Variants in MAML1 observed in about 807,000 individuals in gnomAD.
The protein encoded by MAML1 is mastermind like transcriptional coactivator 1, also known as mastermind-like protein 1.
In MAML1, 14 loss-of-function variants were observed where a neutral mutation model predicts 77.1. The ratio of observed to expected loss-of-function variants is 0.18; its 90% CI spans 0.12 to 0.28. The LOEUF (loss-of-function observed/expected upper bound fraction) is 0.28. Ranked by LOEUF, MAML1 falls within the 10% of genes least tolerant of loss-of-function variation. MAML1 has a pLI of 1.00. For missense variants in MAML1, 1,217 were observed against 1,327.8 expected, an observed-to-expected ratio of 0.92 and a Z score of 1.30; for synonymous variants, 516 against 551.9, an observed-to-expected ratio of 0.93 and a Z score of 0.91.
Position 179,776,413 on chromosome 5 carries a change from CTT to C in MAML1, c.*1538_*1539del. 1.0e-6 allele frequency: 1 copy of C among 985,840 alleles called. No individual in the cohort carries two copies. The allele number at this position is 985,840 out of a possible 1,614,324, so 61.1% of individuals were successfully genotyped here. On this transcript the variant is annotated 3_prime_UTR_variant, in exon 5 of 5. Transcript: ENST00000292599. Reference sequence around the variant, plus strand: ...GGTAGTTATTTTGCACCAGCAGTGCCTTTCTCACTGGGGGTACTTGGACCCTC... The same window carrying C: ...GGTAGTTATTTTGCACCAGCAGTGCCTCTCACTGGGGGTACTTGGACCCTC...
At chr5:179,737,416 T>C (rs1316808494) in intron 1 of MAML1, among the ~76,000 whole-genome samples, 2 of 152,188 alleles carry the variant, frequency 1.3e-5, no homozygotes, top group Admixed American at 6.5e-5. Context: ...CTTGAGTATG[T>C]ACGATTTTGG....
chr5:179,738,733 G>T (rs1435947254), intron 1 of MAML1, among the ~76,000 whole-genome samples: 1 of 151,694 alleles, frequency 6.6e-6, no homozygotes, highest in Non-Finnish European at 1.5e-5. Context: ...TTACTCTGAA[G>T]TTGCCTCCGT....
rs1263589649 is a variant in MAML1, at chr5:179,776,879, CAG to C, written c.*2003_*2004del. On this transcript the variant is annotated 3_prime_UTR_variant, in exon 5 of 5. Coordinates refer to ENST00000292599, the MANE Select transcript of MAML1 (RefSeq NM_014757.5). ...ATTTATGAACCTGGTTTTCGGGAGT[CAG>C]GGGAGGAGATGACTTTGCTTCTGTG... is the stretch of plus-strand genomic sequence containing the variant. 7.1e-6 allele frequency: 7 copies of C among 985,786 alleles called. No homozygotes were observed. Among genetic ancestry groups the C allele is most frequent in the African/African-American group, 1.7e-5 (1 of 57,242 alleles). The allele number at this position is 985,786 out of a possible 1,614,324, so 61.1% of individuals were successfully genotyped here. A position where few individuals can be genotyped will look rare whatever the true frequency, so the allele number is the denominator to read the frequency against.
intron 1 of MAML1, among the ~76,000 whole-genome samples, chr5:179,756,800 C>G (rs906725582): frequency 5.3e-5 from 8 of 152,012 alleles, no homozygotes; most frequent in Non-Finnish European, 1.0e-4. Flanking sequence ...AGGTATCTCA[C>G]TGGAGAGAGA....
chr5:179,733,829 C>T (rs1394360851), intron 1 of MAML1, among the ~76,000 whole-genome samples: 2 of 152,226 alleles, frequency 1.3e-5, no homozygotes, highest in Non-Finnish European at 2.9e-5. Context: ...GGTCCTTGCC[C>T]TTTACAAGAT....
At chr5:179,773,613 C>A (rs1002927013) in intron 4 of MAML1, 5 of 409,858 alleles carry the variant, frequency 1.2e-5, no homozygotes, top group African/African-American at 2.2e-5. Flanking sequence ...ACCACAGGGT[C>A]CCCACAGAGC....
intron 1 of MAML1, among the ~76,000 whole-genome samples, chr5:179,760,941 CAA>C (rs1779713921): frequency 6.6e-6 from 1 of 151,846 alleles, no homozygotes; most frequent in Non-Finnish European, 1.5e-5. Flanking sequence ...AATACAAAAA[CAA>C]AGTTAGCCGG....
chr5:179,750,626 AATT>A (rs1779469998), intron 1 of MAML1, among the ~76,000 whole-genome samples: 1 of 151,820 alleles, frequency 6.6e-6, no homozygotes, highest in South Asian at 2.1e-4. Context: ...ATGTCCGGCT[AATT>A]ATTGTATTTT....
rs1034618724 is a variant in MAML1, at chr5:179,753,876, T to C, written c.316-11450T>C. 3.3e-5 allele frequency among the ~76,000 whole-genome samples: 5 copies of C among 151,832 alleles called. 1 individual carries two copies. The highest frequency in any genetic ancestry group is 3.3e-4 in the Admixed American group (5 of 15,250). On this transcript the variant is annotated intron_variant, in intron 1 of 4. Transcript: ENST00000292599. ...TAGTAGAGATGGCGTTTCACCATGT[T>C]GGTCAAGCTGGTCTCGAACTCCCGA...
At chr5:179,748,481 C>A (rs1437021899) in intron 1 of MAML1, among the ~76,000 whole-genome samples, 1 of 151,976 alleles carries the variant, frequency 6.6e-6, no homozygotes, top group East Asian at 1.9e-4. Flanking sequence ...ATTTTATAAA[C>A]CACATGCCCT....
intron 1 of MAML1, among the ~76,000 whole-genome samples, chr5:179,761,929 G>A (rs1360502812): frequency 6.6e-6 from 1 of 152,126 alleles, no homozygotes; most frequent in African/African-American, 2.4e-5. Context: ...CAAGGTGCTG[G>A]CTCTAAGGGG....
chr5:179,775,859 T>G lies in MAML1; in HGVS notation c.*982T>G. On this transcript the variant is annotated 3_prime_UTR_variant, in exon 5 of 5. Coordinates refer to ENST00000292599, the MANE Select transcript of MAML1 (RefSeq NM_014757.5). ...GCCCAAATGGAAAACAATTATTTAC[T>G]CCATTGGAGGGAAAGGAAGAGTCTT... 1 of 985,476 alleles carries G rather than the reference T, an allele frequency of 1.0e-6. No individual in the cohort carries two copies. Among genetic ancestry groups the G allele is most frequent in the Non-Finnish European group, 1.2e-6 (1 of 829,920 alleles). 61.0% of individuals were successfully genotyped at this position (985,476 alleles called of 1,614,324 possible). A position where few individuals can be genotyped will look rare whatever the true frequency, so the allele number is the denominator to read the frequency against.
chr5:179,749,931 T>A (rs1779454086), intron 1 of MAML1, among the ~76,000 whole-genome samples: 1 of 152,254 alleles, frequency 6.6e-6, no homozygotes, highest in Non-Finnish European at 1.5e-5. Flanking sequence ...CTGACTATGC[T>A]GAGCCCTGTG....
chr5:179,733,050 C>T lies in MAML1; in HGVS notation c.-63C>T, dbSNP rs1204980851. The T allele has an allele frequency of 9.5e-7, 1 of 1,048,430 alleles. No individual in the cohort carries two copies. Among genetic ancestry groups the T allele is most frequent in the Non-Finnish European group, 1.2e-6 (1 of 823,010 alleles). The allele number at this position is 1,048,430 out of a possible 1,614,324, so 64.9% of individuals were successfully genotyped here. A position where few individuals can be genotyped will look rare whatever the true frequency, so the allele number is the denominator to read the frequency against. On this transcript the variant is annotated 5_prime_UTR_variant, in exon 1 of 5. Coordinates refer to ENST00000292599, the MANE Select transcript of MAML1 (RefSeq NM_014757.5). ...AGAGGGGTAGCCGCGGGGAGCGAAG[C>T]CCGCAGTGCCAGCCGGCCCCGAGAG...
intron 1 of MAML1, among the ~76,000 whole-genome samples, chr5:179,758,257 T>C (rs1779659984): frequency 1.3e-5 from 2 of 152,200 alleles, no homozygotes; most frequent in Admixed American, 1.3e-4. Flanking sequence ...CTTTAGTTCT[T>C]ATCATGCTGA....
Position 179,766,715 on chromosome 5 carries a change from T to G in MAML1, c.1705T>G (p.Phe569Val). Residue 569 changes from phenylalanine (F) to valine (V), a missense_variant, in exon 2 of 5, where the codon TTC becomes GTC. This residue lies in a region of MAML1 where 884 missense variants were observed against 949.3 expected (regional missense o/e 0.93). Transcript: ENST00000292599. This position sits in a 1 kb window ranked among gnomAD's most constrained non-coding sequence, Gnocchi z 4.0. ...LMKPKPGNMP[F>V]RSLVPPGQEQ... is the part of the protein sequence containing the mutation. ...GAAGCCAAAGCCAGGAAATATGCCT[T>G]TCCGATCACTGGTTCCACCTGGCCA... 1.3e-6 allele frequency: 2 copies of G among 1,560,234 alleles called. No individual in the cohort carries two copies.
At chr5:179,753,659 T>A (rs1208190645) in intron 1 of MAML1, among the ~76,000 whole-genome samples, 3,121 of 127,802 alleles carry the variant, frequency 0.024, 108 homozygotes, top group African/African-American at 0.082. Context: ...TTATTATTTT[T>A]TTTTTTTTTT....
In MAML1 at chr5:179,776,783, C is replaced by T. The variant is rs576810506; in HGVS notation, c.*1906C>T. The stretch of plus-strand genomic sequence containing the variant: ...GGGGCCGGCGACACAGTGGGGGCTC[C>T]TCACTTGCTGCAGTGTCATAGCAAT... On this transcript the variant is annotated 3_prime_UTR_variant, in exon 5 of 5. Transcript: ENST00000292599. The T allele has an allele frequency of 1.4e-5, 14 of 985,964 alleles. No individual in the cohort carries two copies. In the Admixed American group the frequency reaches 8.0e-4, roughly 56 times the overall value. The allele number at this position is 985,964 out of a possible 1,614,324, so 61.1% of individuals were successfully genotyped here. A position where few individuals can be genotyped will look rare whatever the true frequency, so the allele number is the denominator to read the frequency against.
Position 179,774,713 on chromosome 5 carries a change from G to C in MAML1, c.2887G>C (p.Val963Leu). 6.2e-7 allele frequency: 1 copy of C among 1,610,966 alleles called. No homozygotes were observed. The highest frequency in any genetic ancestry group is 8.5e-7 in the Non-Finnish European group (1 of 1,179,998). ...AGLHCTQAYP[V>L]RTAGQELPFA... ...GCTGCACTGCACCCAGGCCTACCCT[G>C]TGCGGACCGCGGGCCAGGAGCTGCC... The change falls in exon 5 of 5, where the codon GTG (valine) becomes CTG (leucine). Residue 963 changes from valine to leucine, a missense_variant. Coordinates refer to ENST00000292599, the MANE Select transcript of MAML1 (RefSeq NM_014757.5).
Sources: gnomAD v4.1 joint callset for allele counts (sites outside exome capture counted in the v4.1 genomes callset) on GRCh38, gnomAD v4.1.1 for gene constraint, gnomAD v4.1.1 regional missense constraint, Gnocchi (gnomAD v3.1) non-coding constraint, MANE v1.5 for transcripts, NCBI Gene and HGNC (gene_info 2026-07-23, HGNC 2026-07-21) for gene names.